The following CRTAC1 variants were observed in gnomAD, a reference collection of about 807,000 sequenced individuals.
CRTAC1 encodes cartilage acidic protein 1, also known as acidic secreted protein in cartilage.
Under a neutral mutation model 67.8 loss-of-function variants are expected in CRTAC1, and 37 were observed. That is an observed-to-expected ratio of 0.55 (90% CI 0.42 to 0.72). The LOEUF (loss-of-function observed/expected upper bound fraction) is 0.72. CRTAC1 is among the 30% of genes least tolerant of loss of function. The pLI is 0.00. For missense variants in CRTAC1, 780 were observed against 931.6 expected (o/e 0.84, Z 2.12); for synonymous variants, 348 against 371.0 (o/e 0.94, Z 0.71).
At chr10:97,956,520 T>C (rs1471350178) in intron 2 of CRTAC1, among the ~76,000 whole-genome samples, 1 of 146,046 alleles carries the variant, frequency 6.8e-6, no homozygotes, top group Non-Finnish European at 1.6e-5. Flanking sequence ...AAGGATCTTA[T>C]CCTTCTCATT....
chr10:98,008,398 G>A (rs1329544839), intron 2 of CRTAC1, among the ~76,000 whole-genome samples: 5 of 143,978 alleles, frequency 3.5e-5, no homozygotes, highest in Non-Finnish European at 7.6e-5. Flanking sequence ...CTGGAACCAT[G>A]GGAAAAGAGT....
chr10:97,998,316 G>T (rs1187614062), intron 2 of CRTAC1, among the ~76,000 whole-genome samples: 1 of 152,120 alleles, frequency 6.6e-6, no homozygotes, highest in Non-Finnish European at 1.5e-5. Context: ...TATTCAGAAT[G>T]ATGACAGACA....
chr10:97,927,786 C>T (rs906437605), intron 3 of CRTAC1, among the ~76,000 whole-genome samples: 6 of 152,214 alleles, frequency 3.9e-5, no homozygotes, highest in African/African-American at 9.7e-5. Flanking sequence ...GAAGAGCAAA[C>T]GCTCTGGCAG....
chr10:97,883,367 G>A (rs1264377884), intron 12 of CRTAC1, among the ~76,000 whole-genome samples: 4 of 152,240 alleles, frequency 2.6e-5, no homozygotes, highest in South Asian at 4.1e-4. Context: ...TTAAGAGTTG[G>A]GAGCCGGCCC....
At chr10:97,962,552 C>T (rs1010329681) in intron 2 of CRTAC1, among the ~76,000 whole-genome samples, 3 of 152,178 alleles carry the variant, frequency 2.0e-5, no homozygotes, top group African/African-American at 7.2e-5. Flanking sequence ...GAAACAGATG[C>T]TCTGAAGACT....
At chr10:97,919,511 C>T (rs2050806067) in intron 4 of CRTAC1, among the ~76,000 whole-genome samples, 1 of 152,172 alleles carries the variant, frequency 6.6e-6, no homozygotes. Flanking sequence ...TAAATTTGTT[C>T]CCTACAGATT....
intron 2 of CRTAC1, among the ~76,000 whole-genome samples, chr10:97,948,766 C>T (rs1007365626): frequency 3.9e-5 from 6 of 152,090 alleles, no homozygotes; most frequent in Admixed American, 2.6e-4. Flanking sequence ...GGGTAATTTA[C>T]GAAGGAAAGA....
intron 4 of CRTAC1, among the ~76,000 whole-genome samples, chr10:97,919,314 C>T (rs2050803582): frequency 6.6e-6 from 1 of 152,076 alleles, no homozygotes; most frequent in Non-Finnish European, 1.5e-5. Flanking sequence ...GGGCACCTAA[C>T]TATGGGAAGT....
chr10:97,886,730 C>T (rs1201042524), intron 11 of CRTAC1, among the ~76,000 whole-genome samples: 1 of 151,544 alleles, frequency 6.6e-6, no homozygotes, highest in South Asian at 2.1e-4. Context: ...CTGCAACCTC[C>T]CCCTCCCAGG....
At chr10:97,894,738 A>ATATATATG (rs2050428854) in intron 11 of CRTAC1, among the ~76,000 whole-genome samples, 1 of 38,112 alleles carries the variant, frequency 2.6e-5, no homozygotes, top group Non-Finnish European at 5.6e-5. Flanking sequence ...ATATATATAT[A>ATATATATG]TATATATATA....
chr10:97,915,819 C>G (rs1323184683), intron 5 of CRTAC1, among the ~76,000 whole-genome samples: 2 of 152,202 alleles, frequency 1.3e-5, no homozygotes, highest in African/African-American at 4.8e-5. Context: ...TTTTGGAAGT[C>G]TGCAGAGCTG....
rs946553484 is a variant in CRTAC1, at chr10:97,952,357, A to AAAAT, written c.225-15995_225-15992dup. Among the ~76,000 whole-genome samples the AAAAT allele has an allele frequency of 6.8e-3, 1,025 of 150,488 alleles. 12 individuals are homozygous for AAAAT. Among genetic ancestry groups the AAAAT allele is most frequent in the African/African-American group, 0.021 (862 of 40,814 alleles). ...ACAGAGTGAGACTCCATCTCAAAAAAAAATAAATAAATAAATAAATAAATA... is the reference window on the plus strand; with the variant it reads ...ACAGAGTGAGACTCCATCTCAAAAAAAAATAAATAAATAAATAAATAAATAAATA... On this transcript the variant is annotated intron_variant, in intron 2 of 14. Transcript: ENST00000370597.
chr10:97,995,966 C>A (rs993571351), intron 2 of CRTAC1, among the ~76,000 whole-genome samples: 1 of 152,126 alleles, frequency 6.6e-6, no homozygotes, highest in African/African-American at 2.4e-5. Flanking sequence ...CAAGACCATC[C>A]TGGCTAACAT....
intron 2 of CRTAC1, among the ~76,000 whole-genome samples, chr10:97,962,586 C>T (rs1323768345): frequency 6.6e-6 from 1 of 152,166 alleles, no homozygotes; most frequent in Admixed American, 6.5e-5. Context: ...CAATTTTCCA[C>T]TGGGTTTCAC....
intron 4 of CRTAC1, among the ~76,000 whole-genome samples, chr10:97,919,771 C>CTTTTTTTT (rs769852925): frequency 0.053 from 5,638 of 106,084 alleles, 423 homozygotes; most frequent in African/African-American, 0.098. Flanking sequence ...ACAGTACAGC[C>CTTTTTTTT]TTTTTTTTTT....
At chr10:98,024,834 C>T (rs1346170063) in intron 1 of CRTAC1, among the ~76,000 whole-genome samples, 1 of 129,304 alleles carries the variant, frequency 7.7e-6, no homozygotes, top group Non-Finnish European at 1.6e-5. Flanking sequence ...CATAGAGAGG[C>T]ATGGGGGTGG....
In CRTAC1 at chr10:97,889,835, G is replaced by C. The variant is rs532131191; in HGVS notation, c.1486+5410C>G. On this transcript the variant is annotated intron_variant, in intron 11 of 14. Coordinates refer to ENST00000370597, the MANE Select transcript of CRTAC1 (RefSeq NM_018058.7). ...AGCTGAAGCCTTGTGAGTGCTGGCA[G>C]GGGAGCTTCCCGCCGGCCCCTCCCC... Among the ~76,000 whole-genome samples, 5 of 152,274 alleles carry C rather than the reference G, an allele frequency of 3.3e-5. No homozygotes were observed. In the South Asian group the frequency reaches 1.0e-3, roughly 32 times the overall value.
chr10:97,969,598 G>A (rs1386132628), intron 2 of CRTAC1, among the ~76,000 whole-genome samples: 3 of 152,112 alleles, frequency 2.0e-5, no homozygotes, highest in African/African-American at 4.8e-5. Context: ...ATTAACCATT[G>A]CCTGCTGGGG....
At chr10:97,868,193 A>G (rs983063552) in intron 14 of CRTAC1, 10 of 152,340 alleles carry the variant, frequency 6.6e-5, no homozygotes, top group Middle Eastern at 3.4e-3. Flanking sequence ...GAATTTTATA[A>G]TTTATTGAGC....
Sources: allele counts gnomAD v4.1 joint callset (sites outside exome capture counted in the v4.1 genomes callset), GRCh38; gene constraint gnomAD v4.1.1; transcripts MANE v1.5; gene names NCBI Gene and HGNC (gene_info 2026-07-23, HGNC 2026-07-21).